KLK4: variants seen among roughly 807,000 people sequenced by gnomAD.
KLK4 encodes the protein kallikrein-4.
A neutral mutation model predicts 24.3 loss-of-function variants in KLK4; 24 were observed. The ratio of observed to expected loss-of-function variants is 0.99; its 90% CI spans 0.72 to 1.39. KLK4 has a LOEUF of 1.39. Ranked by LOEUF, KLK4 falls within the 40% of genes most tolerant of loss-of-function variation. The pLI is 0.00. For missense variants in KLK4, 344 were observed against 327.4 expected, an observed-to-expected ratio of 1.05 and a Z score of -0.39; for synonymous variants, 142 against 138.8, an observed-to-expected ratio of 1.02 and a Z score of -0.16.
chr19:50,908,942 T>G lies in KLK4; in HGVS notation c.225-113A>C, dbSNP rs987365019. ...CTAACCCCAACCCCACCCTCTTCGC[T>G]AAACACCCTAAGAGCTACTTAACCA... On this transcript the variant is annotated intron_variant, in intron 3 of 5. Transcript: ENST00000324041. The G allele has an allele frequency of 5.9e-6, 9 of 1,538,166 alleles. No individual in the cohort carries two copies. The African/African-American group carries it at 1.1e-4, about 19-fold the overall frequency.
rs775747908 is a variant in KLK4 at position 50,906,976 on chromosome 19, G to T, written c.723C>A (p.Cys241Ter). The change falls in exon 6 of 6, where the codon TGC becomes TGA. Residue 241 changes from cysteine to a stop codon, truncating the protein, a stop_gained. Coordinates refer to ENST00000324041, the Ensembl canonical transcript of KLK4. LOFTEE classifies it low-confidence loss of function (END_TRUNC). ...TTTTCTCTATCCACTCAGTGAATTT[G>T]CAGAGGTTGGTGTAGACACCTGGCA... The T allele has an allele frequency of 3.1e-6, 5 of 1,614,204 alleles. No homozygotes were observed. In the East Asian group the frequency reaches 1.1e-4, roughly 36 times the overall value.
At position 50,909,440 on chromosome 19, in the gene KLK4, C is replaced by A. The variant is rs200042311; in HGVS notation, c.62-26G>T. The A allele has an allele frequency of 6.2e-6, 10 of 1,613,030 alleles. No homozygotes were observed. The East Asian group carries it at 1.1e-4, about 18-fold the overall frequency. ...CTGAGGGCGGAGTCAGGGATGGGATCGGGACCAGGAGGCGGGCCCAGGGTT... is the reference window on the plus strand; with the variant it reads ...CTGAGGGCGGAGTCAGGGATGGGATAGGGACCAGGAGGCGGGCCCAGGGTT... On this transcript the variant is annotated intron_variant, in intron 2 of 5. Transcript: ENST00000324041.
Position 50,908,305 on chromosome 19 carries a change from C to T in KLK4, c.612+54G>A, listed in dbSNP as rs2090451281. On this transcript the variant is annotated intron_variant, in intron 5 of 5. Coordinates refer to ENST00000324041, the Ensembl canonical transcript of KLK4. ...CATGCGGCCCTGTGTGTCTCTGTCT[C>T]CCCCTTCTCCACCCTTCCCTGAGTC... 1.0e-5 allele frequency: 16 copies of T among 1,603,542 alleles called. No individual in the cohort carries two copies. In the South Asian group the frequency reaches 1.2e-4, roughly 12 times the overall value.
intron 5 of KLK4, among the ~76,000 whole-genome samples, chr19:50,907,511 A>G (rs960672776): frequency 1.3e-5 from 2 of 150,468 alleles, no homozygotes; most frequent in African/African-American, 4.9e-5. Context: ...TATTCAAGCA[A>G]TTCTTCTGCC....
chr19:50,907,620 TG>T (rs2090445904), intron 5 of KLK4, among the ~76,000 whole-genome samples: 1 of 152,150 alleles, frequency 6.6e-6, no homozygotes, highest in Non-Finnish European at 1.5e-5. Flanking sequence ...TTGGCCAGGC[TG>T]GTCTTGAACT....
At chr19:50,907,160 T>C in intron 5 of KLK4, 74 bp from the exon 6 acceptor site, 1 of 1,445,210 alleles carries the variant, frequency 6.9e-7, no homozygotes, top group Non-Finnish European at 9.7e-7. Flanking sequence ...AGAAAGGAAC[T>C]AAATGAGACT....
At chr19:50,909,516 TCAGG>T in intron 2 of KLK4, 102 bp from the exon 3 acceptor site, 1 of 1,238,156 alleles carries the variant, frequency 8.1e-7, no homozygotes, top group Non-Finnish European at 1.2e-6. Context: ...TCAGGAGCAG[TCAGG>T]GCTCCTCGGG....
intron 2 of KLK4, 24 bp from the exon 3 acceptor site, chr19:50,909,438 A>T: frequency 6.2e-7 from 1 of 1,612,882 alleles, no homozygotes; most frequent in Non-Finnish European, 8.5e-7. Context: ...CAGGGATGGG[A>T]TCGGGACCAG....
At chr19:50,909,326 C>T (rs749354053) in exon 3 of KLK4, 2 of 1,614,244 alleles carry the variant, frequency 1.2e-6, no homozygotes, top group Non-Finnish European at 1.7e-6. Context: ...ATTCGTTTTC[C>T]ATGACCAGTG....
At chr19:50,908,518 A>T (rs1391403736) in intron 4 of KLK4, 23 bp from the exon 5 acceptor site, 13 of 1,614,198 alleles carry the variant, frequency 8.1e-6, no homozygotes, top group Non-Finnish European at 1.0e-5. Flanking sequence ...GCTCTGGGTC[A>T]GCCCCCGCGA....
intron 5 of KLK4, chr19:50,907,897 A>G (rs766455448): frequency 1.5e-4 from 37 of 246,008 alleles, no homozygotes; most frequent in Non-Finnish European, 2.3e-4. Context: ...ATTTAAAAAA[A>G]TTCACAGACG....
chr19:50,906,812 G>A (rs2090434346), exon 6 of KLK4: 2 of 1,231,416 alleles, frequency 1.6e-6, no homozygotes, highest in South Asian at 2.4e-5. Flanking sequence ...TGGTTTGAGG[G>A]AGGAGGGGCT....
chr19:50,908,010 C>T (rs752919063), intron 5 of KLK4: 17 of 403,636 alleles, frequency 4.2e-5, no homozygotes, highest in Non-Finnish European at 7.5e-5. Flanking sequence ...TAAGGCTCCC[C>T]GTCAACAGTA....
chr19:50,910,537 C>T lies in KLK4; in HGVS notation c.61+141G>A. The T allele has an allele frequency of 1.3e-6, 1 of 794,252 alleles. No individual in the cohort carries two copies. Among genetic ancestry groups the T allele is most frequent in the Non-Finnish European group, 2.2e-6 (1 of 459,500 alleles). 49.2% of individuals were successfully genotyped at this position (794,252 alleles called of 1,614,324 possible). A position where few individuals can be genotyped will look rare whatever the true frequency, so the allele number is the denominator to read the frequency against. ...CACGATACAAGGAGTTGCAGGGGCA[C>T]AGCCATGGGGGACGGATAACACGGT... On this transcript the variant is annotated intron_variant, in intron 2 of 5. Coordinates refer to ENST00000324041, the Ensembl canonical transcript of KLK4. The surrounding 1 kb of genome is among the most constrained non-coding windows in gnomAD (Gnocchi z 4.4).
At chr19:50,909,092 C>T (rs1422306842) in intron 3 of KLK4, 160 bp downstream of exon 3, 1 of 1,418,054 alleles carries the variant, frequency 7.1e-7, no homozygotes, top group Non-Finnish European at 9.1e-7. Context: ...AGATTCCCGC[C>T]TCCCAGCCCT....
At position 50,910,588 on chromosome 19, in the gene KLK4, C is replaced by A. The variant is rs1273865554; in HGVS notation, c.61+90G>T. On this transcript the variant is annotated intron_variant, in intron 2 of 5. Coordinates refer to ENST00000324041, the Ensembl canonical transcript of KLK4. The surrounding 1 kb of genome is among the most constrained non-coding windows in gnomAD (Gnocchi z 4.4). ...ACCGTCTCACAGGCAGCTTTGCAGT[C>A]ACAAGCAAGAGGACACTGAGTCACA... 8.0e-7 allele frequency: 1 copy of A among 1,252,512 alleles called. No homozygotes were observed. Among genetic ancestry groups the A allele is most frequent in the Non-Finnish European group, 1.1e-6 (1 of 874,770 alleles). The allele number at this position is 1,252,512 out of a possible 1,614,324, so 77.6% of individuals were successfully genotyped here.
Position 50,908,245 on chromosome 19 carries a change from G to A in KLK4, c.612+114C>T, listed in dbSNP as rs140872978. ...TCAGTTTCTCTCTCTAGTTGTCACTGTCTCCCTGTGTGTCTCTCCATCTCT... is the reference window on the plus strand; with the variant it reads ...TCAGTTTCTCTCTCTAGTTGTCACTATCTCCCTGTGTGTCTCTCCATCTCT... On this transcript the variant is annotated intron_variant, in intron 5 of 5. Coordinates refer to ENST00000324041, the Ensembl canonical transcript of KLK4. The A allele has an allele frequency of 1.4e-5, 17 of 1,229,420 alleles. No homozygotes were observed. In the African/African-American group the frequency reaches 2.2e-4, roughly 16 times the overall value. 76.2% of individuals were successfully genotyped at this position (1,229,420 alleles called of 1,614,324 possible).
intron 3 of KLK4, 37 bp from the exon 4 acceptor site, chr19:50,908,866 C>A (rs117475014): frequency 7.5e-6 from 12 of 1,605,334 alleles, no homozygotes; most frequent in Non-Finnish European, 1.0e-5. Flanking sequence ...TTTGTGGCAA[C>A]TACATCCTTA....
intron 5 of KLK4, chr19:50,908,092 C>A: frequency 1.8e-6 from 1 of 541,666 alleles, no homozygotes; most frequent in East Asian, 3.2e-5. Context: ...AGGTCACCGC[C>A]CTCAGGCCCC....
Sources: gnomAD v4.1 joint callset for allele counts (sites outside exome capture counted in the v4.1 genomes callset) on GRCh38, gnomAD v4.1.1 for gene constraint, Gnocchi (gnomAD v3.1) non-coding constraint, MANE v1.5 for transcripts, NCBI Gene and HGNC (gene_info 2026-07-23, HGNC 2026-07-21) for gene names.